The following ROPN1L variants were observed in gnomAD, a reference collection of about 807,000 sequenced individuals.
ROPN1L encodes the protein ropporin-1-like protein.
In ROPN1L, 23 loss-of-function variants were observed where a neutral mutation model predicts 22.7. The observed-to-expected ratio is 1.01, with a 90% confidence interval of 0.73 to 1.43. ROPN1L has a LOEUF of 1.43. ROPN1L is among the 40% of genes most tolerant of loss of function. The pLI, the probability that ROPN1L is intolerant of heterozygous loss-of-function variation, is 0.00. For synonymous variants in ROPN1L, 116 were observed against 117.8 expected, an observed-to-expected ratio of 0.98 and a Z score of 0.10; for missense variants, 271 against 291.5, an observed-to-expected ratio of 0.93 and a Z score of 0.51.
exon 5 of ROPN1L, chr5:10,471,890 A>C (rs1170074157): frequency 6.6e-6 from 1 of 152,294 alleles, no homozygotes; most frequent in East Asian, 1.9e-4. Flanking sequence ...CTGGGCTCAG[A>C]GCATGGAAGA....
chr5:10,451,909 T>C (rs1741262369), intron 3 of ROPN1L, among the ~76,000 whole-genome samples: 1 of 148,576 alleles, frequency 6.7e-6, no homozygotes, highest in Non-Finnish European at 1.5e-5. Context: ...TGTCACTTTG[T>C]TAATCTGGAA....
At chr5:10,453,981 G>C (rs1195214229) in intron 3 of ROPN1L, among the ~76,000 whole-genome samples, 1 of 152,188 alleles carries the variant, frequency 6.6e-6, no homozygotes, top group Non-Finnish European at 1.5e-5. Context: ...ATCAATTCAG[G>C]TTAAGGGGCA....
intron 3 of ROPN1L, among the ~76,000 whole-genome samples, chr5:10,458,106 G>T (rs1317154240): frequency 6.6e-6 from 1 of 152,068 alleles, no homozygotes; most frequent in Non-Finnish European, 1.5e-5. Flanking sequence ...ACAACTGCTG[G>T]AAACTTAGCA....
At position 10,461,269 on chromosome 5, in the gene ROPN1L, T is replaced by C. The variant is rs746039910; in HGVS notation, c.503T>C (p.Phe168Ser). 7.8e-5 allele frequency: 126 copies of C among 1,614,154 alleles called. No individual in the cohort carries two copies. In the East Asian group the frequency reaches 2.8e-3, roughly 35 times the overall value. ...GGPARIPFKT[F>S]SYVYRYLARL... ...CCCGCTCGCATCCCCTTCAAGACGT[T>C]TTCCTACGTTTACCGCTACTTGGCC... The change falls in exon 4 of 5, where the codon TTT becomes TCT. Residue 168 changes from phenylalanine (F) to serine (S), a missense_variant. By Grantham distance (155) the Phe-to-Ser change is radical. Transcript: ENST00000274134.
Position 10,441,984 on chromosome 5 carries a change from C to T in ROPN1L, c.-184C>T, listed in dbSNP as rs1435831330. 2.7e-6 allele frequency: 2 copies of T among 734,234 alleles called. No individual in the cohort carries two copies. Among genetic ancestry groups the T allele is most frequent in the Non-Finnish European group, 4.3e-6 (2 of 462,906 alleles). The allele number at this position is 734,234 out of a possible 1,614,324, so 45.5% of individuals were successfully genotyped here. On this transcript the variant is annotated 5_prime_UTR_variant, in exon 1 of 5. Transcript: ENST00000274134. Reference sequence around the variant, plus strand: ...AGTGGCAGTTGGTCCGAATTTCTCCCGAAGCCCGCGGAGGAGCGGGTAAGA... The same window carrying T: ...AGTGGCAGTTGGTCCGAATTTCTCCTGAAGCCCGCGGAGGAGCGGGTAAGA...
intron 3 of ROPN1L, among the ~76,000 whole-genome samples, chr5:10,451,703 G>T (rs577882164): frequency 6.8e-4 from 103 of 152,288 alleles, no homozygotes; most frequent in African/African-American, 2.4e-3. Flanking sequence ...ATGAGCAAGA[G>T]TTTTGTTGTG....
chr5:10,471,593 C>G (rs1469405888), intron 4 of ROPN1L, among the ~76,000 whole-genome samples: 1 of 152,090 alleles, frequency 6.6e-6, no homozygotes, highest in East Asian at 1.9e-4. Flanking sequence ...GGTGCAGGCC[C>G]CTGGGCTGGC....
Position 10,470,889 on chromosome 5 carries a change from G to A in ROPN1L, n.886-921G>A, listed in dbSNP as rs143106845. Among the ~76,000 whole-genome samples, 426 of 152,326 alleles carry A rather than the reference G, an allele frequency of 2.8e-3. 2 individuals carry two copies. The highest frequency in any genetic ancestry group is 9.2e-3 in the African/African-American group (383 of 41,570). ...TGCTAAGGGCTGGCCCCCCTGCCAC[G>A]TACGGGTTTTGCAGCTAATTAAGTT... On this transcript the variant is annotated intron_variant and non_coding_transcript_variant, in intron 4 of 4. Coordinates refer to the ROPN1L transcript ENST00000510520.
At chr5:10,478,466 A>G in the ROPN1L span, among the ~76,000 whole-genome samples, 1 of 152,016 alleles carries the variant, frequency 6.6e-6, no homozygotes, top group Non-Finnish European at 1.5e-5. Context: ...ACTTCCTTCT[A>G]AGGCTCTGGC....
the ROPN1L span, among the ~76,000 whole-genome samples, chr5:10,481,501 T>C: frequency 6.6e-6 from 1 of 152,190 alleles, no homozygotes; most frequent in Admixed American, 6.5e-5. Context: ...TTGGTTTGCA[T>C]TTGAAAAGCA....
chr5:10,447,893 A>G (rs1442890197), intron 1 of ROPN1L, among the ~76,000 whole-genome samples: 1 of 151,438 alleles, frequency 6.6e-6, no homozygotes, highest in Non-Finnish European at 1.5e-5. Context: ...AAAATTTAGG[A>G]AAAAAAAAGA....
chr5:10,442,366 C>T (rs938033811), intron 1 of ROPN1L, 68 bp downstream of exon 1: 28 of 1,582,988 alleles, frequency 1.8e-5, no homozygotes, highest in Non-Finnish European at 2.3e-5. Flanking sequence ...AGAGAGCCCT[C>T]CTCCCGGACC....
rs184064814 is a variant in ROPN1L at position 10,449,847 on chromosome 5, C to G, written c.256-105C>G. On this transcript the variant is annotated intron_variant, in intron 2 of 4. Transcript: ENST00000274134. ...GTCATGCATTTGGAGTTCATCTGTC[C>G]CCTGCATGGGGCGGGTTACTTGGTG... The G allele has an allele frequency of 4.9e-4, 446 of 914,620 alleles. 2 individuals carry two copies. The highest frequency in any genetic ancestry group is 1.1e-3 in the Middle Eastern group (5 of 4,464). 56.7% of individuals were successfully genotyped at this position (914,620 alleles called of 1,614,324 possible).
downstream of ROPN1L, chr5:10,465,079 G>T (rs73049403): frequency 2.0e-6 from 1 of 491,938 alleles, no homozygotes; most frequent in African/African-American, 2.0e-5. Context: ...TGACTGCTTC[G>T]TGGGGCCTGA....
intron 3 of ROPN1L, among the ~76,000 whole-genome samples, chr5:10,457,475 C>T (rs949618892): frequency 6.6e-6 from 1 of 152,194 alleles, no homozygotes; most frequent in Non-Finnish European, 1.5e-5. Context: ...AGCTCAGAGG[C>T]CCACCGGCTG....
chr5:10,458,081 A>G (rs913285394), intron 3 of ROPN1L, among the ~76,000 whole-genome samples: 2 of 151,996 alleles, frequency 1.3e-5, no homozygotes, highest in Admixed American at 6.5e-5. Context: ...GCCAAGGTGA[A>G]GTCCTCCAGC....
downstream of ROPN1L, among the ~76,000 whole-genome samples, chr5:10,474,633 A>C (rs1439254930): frequency 1.3e-5 from 2 of 152,230 alleles, no homozygotes; most frequent in African/African-American, 4.8e-5. Context: ...CGCCATGATG[A>C]GGTTTCTTGC....
intron 2 of ROPN1L, among the ~76,000 whole-genome samples, chr5:10,449,602 G>C (rs764539324): frequency 7.2e-5 from 11 of 152,062 alleles, no homozygotes; most frequent in Non-Finnish European, 1.6e-4. Flanking sequence ...ATGTGATTAG[G>C]GGCTGGATTT....
downstream of ROPN1L, among the ~76,000 whole-genome samples, chr5:10,472,263 G>A (rs2126483740): frequency 6.6e-6 from 1 of 151,104 alleles, no homozygotes; most frequent in Non-Finnish European, 1.5e-5. Context: ...CATCAACCAT[G>A]CATTTATTAT....
Sources: allele counts gnomAD v4.1 joint callset (sites outside exome capture counted in the v4.1 genomes callset), GRCh38; gene constraint gnomAD v4.1.1; transcripts MANE v1.5; gene names NCBI Gene and HGNC (gene_info 2026-07-23, HGNC 2026-07-21).